Variants in YAF2 observed in about 807,000 individuals in gnomAD.
YAF2 encodes YY1-associated factor 2.
YAF2 carries 7 observed loss-of-function variants against 20.1 expected under a neutral mutation model. The ratio of observed to expected loss-of-function variants is 0.35; its 90% CI spans 0.20 to 0.65. The LOEUF is 0.65. Ranked by LOEUF, YAF2 falls within the 30% of genes least tolerant of loss-of-function variation. The pLI is 0.69. For synonymous variants in YAF2, 74 were observed against 76.0 expected, an observed-to-expected ratio of 0.97 and a Z score of 0.14; for missense variants, 151 against 219.2, an observed-to-expected ratio of 0.69 and a Z score of 1.96.
At chr12:42,195,146 G>A (rs777326445) in intron 2 of YAF2, among the ~76,000 whole-genome samples, 2 of 152,136 alleles carry the variant, frequency 1.3e-5, no homozygotes, top group Non-Finnish European at 2.9e-5. Flanking sequence ...AGTCCAAAAT[G>A]GATAAAGAAA....
intron 2 of YAF2, among the ~76,000 whole-genome samples, chr12:42,182,591 A>C (rs2066371526): frequency 6.6e-6 from 1 of 152,224 alleles, no homozygotes; most frequent in Admixed American, 6.5e-5. Flanking sequence ...AAGAGGTTGC[A>C]AAAGATTGCC....
At chr12:42,227,702 G>A (rs1382703715) in intron 2 of YAF2, among the ~76,000 whole-genome samples, 1 of 151,116 alleles carries the variant, frequency 6.6e-6, no homozygotes, top group African/African-American at 2.4e-5. Flanking sequence ...CATCTGGGAA[G>A]TGAGGAGCGT....
intron 2 of YAF2, among the ~76,000 whole-genome samples, chr12:42,214,865 G>A (rs368165778): frequency 3.9e-5 from 6 of 151,916 alleles, no homozygotes; most frequent in South Asian, 4.2e-4. Context: ...TTAACCAGGC[G>A]TGGTGGCAGG....
chr12:42,234,712 G>C (rs996459019), intron 2 of YAF2: 1 of 984,516 alleles, frequency 1.0e-6, no homozygotes, highest in Non-Finnish European at 1.2e-6. Context: ...TAAAGGGGCC[G>C]AATGGTGGCT....
rs1319908532 is a variant in YAF2, at chr12:42,158,739, C to G, written c.*1850G>C. ...GCTCCATTCAGGTAAAATCCCATCT[C>G]CTGTCAGATTTTTCTCTCTTGCAGC... On this transcript the variant is annotated 3_prime_UTR_variant, in exon 4 of 4. Transcript: ENST00000534854. 4 of 152,290 alleles carry G rather than the reference C, an allele frequency of 2.6e-5. No homozygotes were observed. Among genetic ancestry groups the G allele is most frequent in the Admixed American group, 2.6e-4 (4 of 15,296 alleles). The allele number at this position is 152,290 out of a possible 1,614,324, so 9.4% of individuals were successfully genotyped here.
intron 2 of YAF2, among the ~76,000 whole-genome samples, chr12:42,219,695 C>T (rs1221380995): frequency 6.6e-6 from 1 of 152,094 alleles, no homozygotes; most frequent in East Asian, 1.9e-4. Flanking sequence ...GGGATGAATA[C>T]CTCACACCCC....
intron 2 of YAF2, chr12:42,205,909 A>G: frequency 2.5e-6 from 1 of 400,118 alleles, no homozygotes; most frequent in South Asian, 1.9e-5. Flanking sequence ...ATTATTTTGT[A>G]ATTTCCATTT....
intron 2 of YAF2, among the ~76,000 whole-genome samples, chr12:42,182,160 T>G (rs888118264): frequency 1.3e-5 from 2 of 152,200 alleles, no homozygotes; most frequent in Non-Finnish European, 2.9e-5. Flanking sequence ...TCATTTATAG[T>G]TGTATTTACA....
At chr12:42,220,421 A>G (rs73114417) in intron 2 of YAF2, among the ~76,000 whole-genome samples, 2,232 of 152,324 alleles carry the variant, frequency 0.015, 31 homozygotes, top group Non-Finnish European at 0.021. Flanking sequence ...ATAAAACATA[A>G]AAGATTTTCT....
At chr12:42,202,072 T>C (rs1334885831) in intron 2 of YAF2, among the ~76,000 whole-genome samples, 3 of 152,198 alleles carry the variant, frequency 2.0e-5, no homozygotes, top group African/African-American at 7.2e-5. Flanking sequence ...TGGAATTTAT[T>C]TTCACGTATT....
At chr12:42,234,070 C>T in intron 2 of YAF2, 1 of 640,456 alleles carries the variant, frequency 1.6e-6, no homozygotes, top group South Asian at 6.9e-5. Flanking sequence ...ACCACAGAGG[C>T]TGAGGCATGA....
At chr12:42,180,598 C>T (rs2066318308) in intron 2 of YAF2, among the ~76,000 whole-genome samples, 2 of 152,104 alleles carry the variant, frequency 1.3e-5, no homozygotes, top group South Asian at 2.1e-4. Flanking sequence ...AGCTAAGTTC[C>T]GGGTAATTTG....
chr12:42,227,263 C>T (rs1193691751), intron 2 of YAF2, among the ~76,000 whole-genome samples: 3 of 113,306 alleles, frequency 2.6e-5, no homozygotes, highest in East Asian at 2.7e-4. Flanking sequence ...GCCGCCACCC[C>T]GTCTGGGAAG....
intron 2 of YAF2, chr12:42,232,499 A>T (rs1414907795): frequency 1.0e-6 from 1 of 985,302 alleles, no homozygotes; most frequent in African/African-American, 1.7e-5. Context: ...CTCTTACAGG[A>T]CAAAAAACAA....
intron 2 of YAF2, among the ~76,000 whole-genome samples, chr12:42,205,554 T>C (rs2067017455): frequency 6.6e-6 from 1 of 152,162 alleles, no homozygotes; most frequent in South Asian, 2.1e-4. Context: ...TTTGTATTTT[T>C]AGTAGAGACA....
At chr12:42,182,120 CA>C (rs1224637785) in intron 2 of YAF2, among the ~76,000 whole-genome samples, 1 of 151,280 alleles carries the variant, frequency 6.6e-6, no homozygotes, top group African/African-American at 2.4e-5. Flanking sequence ...AATTATTTCA[CA>C]AAAAAAGAAG....
At chr12:42,183,487 G>C (rs1376735003) in intron 2 of YAF2, among the ~76,000 whole-genome samples, 1 of 152,152 alleles carries the variant, frequency 6.6e-6, no homozygotes, top group Non-Finnish European at 1.5e-5. Context: ...CAAATGATAA[G>C]GAAGCAAAAC....
chr12:42,234,463 A>G, intron 2 of YAF2: 1 of 979,126 alleles, frequency 1.0e-6, no homozygotes, highest in Non-Finnish European at 1.2e-6. Flanking sequence ...ACCACTCTGC[A>G]ATATACCCAA....
At chr12:42,167,865 G>A (rs529981379) in intron 2 of YAF2, among the ~76,000 whole-genome samples, 10 of 152,210 alleles carry the variant, frequency 6.6e-5, no homozygotes, top group South Asian at 2.1e-4. Context: ...GAGTGGTGAC[G>A]CAGGCACATG....
Sources: allele counts gnomAD v4.1 joint callset (sites outside exome capture counted in the v4.1 genomes callset), GRCh38; gene constraint gnomAD v4.1.1; transcripts MANE v1.5; gene names NCBI Gene and HGNC (gene_info 2026-07-23, HGNC 2026-07-21).